The following GRK5 variants were observed in gnomAD, a reference collection of about 807,000 sequenced individuals.
The protein encoded by GRK5 is G protein-coupled receptor kinase 5.
A neutral mutation model predicts 78.4 loss-of-function variants in GRK5; 40 were observed. The ratio of observed to expected loss-of-function variants is 0.51; its 90% confidence interval spans 0.40 to 0.66. GRK5 has a LOEUF of 0.66. Ranked by LOEUF, GRK5 falls within the 30% of genes least tolerant of loss-of-function variation. GRK5 has a pLI of 0.00. For missense variants in GRK5, 598 were observed against 759.9 expected (o/e 0.79, Z 2.50); for synonymous variants, 289 against 296.8 (o/e 0.97, Z 0.27).
At position 119,264,931 on chromosome 10, in the gene GRK5, C is replaced by T. The variant is rs1021387785; in HGVS notation, c.52+56962C>T. 7.2e-5 allele frequency among the ~76,000 whole-genome samples: 11 copies of T among 152,328 alleles called. No individual in the cohort carries two copies. Among genetic ancestry groups the T allele is most frequent in the Admixed American group, 6.5e-4 (10 of 15,308 alleles). The stretch of plus-strand genomic sequence containing the variant: ...CATAGAGCAAGGCACAGACCTGTCC[C>T]TGGGAGCTCAGTGTCCTGTTGGGAA... On this transcript the variant is annotated intron_variant, in intron 1 of 15. Transcript: ENST00000392870. The surrounding 1 kb of genome is among the most constrained non-coding windows in gnomAD (Gnocchi z 4.1).
intron 10 of GRK5, among the ~76,000 whole-genome samples, chr10:119,440,563 T>C (rs1853011800): frequency 6.6e-6 from 1 of 151,480 alleles, no homozygotes; most frequent in African/African-American, 2.4e-5. Flanking sequence ...TTTTTTTTTT[T>C]TTTTGAGATG....
chr10:119,332,232 G>A (rs1222748203), intron 2 of GRK5, among the ~76,000 whole-genome samples: 2 of 151,662 alleles, frequency 1.3e-5, no homozygotes, highest in African/African-American at 4.9e-5. Flanking sequence ...TCAGCCTCCT[G>A]AGTAGCTGGG....
intron 1 of GRK5, among the ~76,000 whole-genome samples, chr10:119,224,727 T>G (rs563336039): frequency 1.6e-4 from 24 of 152,282 alleles, no homozygotes; most frequent in South Asian, 4.1e-4. Flanking sequence ...TCACCCACTT[T>G]TTAATTTTCG....
chr10:119,424,470 T>C (rs1852631739), intron 5 of GRK5, among the ~76,000 whole-genome samples: 1 of 152,110 alleles, frequency 6.6e-6, no homozygotes, highest in Non-Finnish European at 1.5e-5. Flanking sequence ...TTCCAATGCA[T>C]GCATAAAAAA....
Position 119,448,266 on chromosome 10 carries a change from T to C in GRK5, c.1404+6T>C, listed in dbSNP as rs768503866. The C allele has an allele frequency of 1.3e-6, 2 of 1,587,004 alleles. No individual in the cohort carries two copies. The highest frequency in any genetic ancestry group is 1.8e-5 in the Admixed American group (1 of 54,472). On this transcript the variant is annotated splice_donor_region_variant and intron_variant, in intron 13 of 15. Transcript: ENST00000392870. ...ACCCTCCCTTCGTTCCAGACGTGAG[T>C]AGCCTCCCCCAGCCCCCAGCAGCTC...
chr10:119,247,657 T>C (rs1438145339), intron 1 of GRK5, among the ~76,000 whole-genome samples: 1 of 152,254 alleles, frequency 6.6e-6, no homozygotes, highest in Non-Finnish European at 1.5e-5. Flanking sequence ...GTTTGTTTGT[T>C]TGTTTTGCCC....
At chr10:119,299,304 C>T (rs966489284) in intron 1 of GRK5, among the ~76,000 whole-genome samples, 6 of 151,894 alleles carry the variant, frequency 4.0e-5, no homozygotes, top group Non-Finnish European at 8.8e-5. Flanking sequence ...ATTAGCCGGG[C>T]GGGGTGGCGG....
At chr10:119,402,199 C>T (rs1223996838) in intron 4 of GRK5, among the ~76,000 whole-genome samples, 5 of 152,232 alleles carry the variant, frequency 3.3e-5, no homozygotes, top group South Asian at 2.1e-4. Context: ...AGGCTCCCTG[C>T]GTACATTCCC....
intron 1 of GRK5, among the ~76,000 whole-genome samples, chr10:119,209,990 T>C (rs1848461098): frequency 6.6e-6 from 1 of 152,156 alleles, no homozygotes; most frequent in African/African-American, 2.4e-5. Context: ...GTGAATTTAC[T>C]GTCTGATATT....
chr10:119,427,273 C>A (rs62653140), intron 6 of GRK5, among the ~76,000 whole-genome samples: 1 of 136,514 alleles, frequency 7.3e-6, no homozygotes, highest in Non-Finnish European at 1.6e-5. Context: ...CAGCATCAAC[C>A]ACCATCTTCA....
intron 1 of GRK5, among the ~76,000 whole-genome samples, chr10:119,216,274 T>A (rs1415181835): frequency 1.3e-5 from 2 of 152,262 alleles, no homozygotes; most frequent in Non-Finnish European, 2.9e-5. Flanking sequence ...AAAATTTTTT[T>A]AAAAAGGTAA....
chr10:119,448,349 A>G, intron 13 of GRK5, 89 bp downstream of exon 13: 1 of 1,400,088 alleles, frequency 7.1e-7, no homozygotes. Context: ...GCTGGTGCAG[A>G]GTGTGGGGCA....
At chr10:119,255,508 G>C (rs1849267485) in intron 1 of GRK5, among the ~76,000 whole-genome samples, 1 of 152,182 alleles carries the variant, frequency 6.6e-6, no homozygotes, top group African/African-American at 2.4e-5. Context: ...GATTTTCACT[G>C]GCGTGGACTC....
intron 8 of GRK5, among the ~76,000 whole-genome samples, chr10:119,433,807 C>T (rs1365793354): frequency 2.6e-5 from 4 of 152,208 alleles, no homozygotes; most frequent in Admixed American, 1.3e-4. Flanking sequence ...GTCTGGACTC[C>T]ACCAGCAGAG....
In GRK5 at chr10:119,396,784, T is replaced by G. The variant is rs566803771; in HGVS notation, c.339+12T>G. The G allele has an allele frequency of 6.2e-7, 1 of 1,606,966 alleles. No homozygotes were observed. The highest frequency in any genetic ancestry group is 1.3e-5 in the African/African-American group (1 of 74,890). ...ACCTCACCCCAAAGGTAAGGAGTCT[T>G]CCAAACCCCACAGCAGGTGGCACAG... On this transcript the variant is annotated intron_variant, in intron 4 of 15. Coordinates refer to ENST00000392870, the MANE Select transcript of GRK5 (RefSeq NM_005308.3).
intron 13 of GRK5, 52 bp downstream of exon 13, chr10:119,448,312 C>T (rs751639254): frequency 3.9e-6 from 6 of 1,550,794 alleles, no homozygotes; most frequent in Non-Finnish European, 4.3e-6. Flanking sequence ...GTACCCAGGG[C>T]TGCCCCCGAG....
chr10:119,407,298 G>A (rs1852258500), intron 4 of GRK5, among the ~76,000 whole-genome samples: 2 of 152,278 alleles, frequency 1.3e-5, no homozygotes, highest in South Asian at 2.1e-4. Flanking sequence ...AGAGGAGACT[G>A]GAATCTTCCT....
At chr10:119,285,905 G>T (rs1396835897) in intron 1 of GRK5, among the ~76,000 whole-genome samples, 1 of 152,036 alleles carries the variant, frequency 6.6e-6, no homozygotes, top group Non-Finnish European at 1.5e-5. Context: ...CTTGGGCAAG[G>T]CTCAGCTTCC....
chr10:119,339,199 T>C (rs1237801557), intron 2 of GRK5, among the ~76,000 whole-genome samples: 1 of 152,132 alleles, frequency 6.6e-6, no homozygotes, highest in Non-Finnish European at 1.5e-5. Context: ...GTGAGAAGGA[T>C]TTTTCTGTCT....
Sources: allele counts gnomAD v4.1 joint callset (sites outside exome capture counted in the v4.1 genomes callset), GRCh38; gene constraint gnomAD v4.1.1; non-coding constraint Gnocchi (gnomAD v3.1); transcripts MANE v1.5; gene names NCBI Gene and HGNC (gene_info 2026-07-23, HGNC 2026-07-21).